Variants in EPB41L4A observed in about 807,000 individuals in gnomAD.
EPB41L4A encodes the protein band 4.1-like protein 4A.
EPB41L4A carries 100 observed loss-of-function variants against 108.6 expected under a neutral mutation model. The observed-to-expected ratio is 0.92, with a 90% CI of 0.78 to 1.09. The LOEUF is 1.09. EPB41L4A is among the 50% of genes least tolerant of loss of function. EPB41L4A has a pLI of 0.00. For synonymous variants in EPB41L4A, 319 were observed against 289.0 expected (o/e 1.10, Z -1.05); for missense variants, 1,030 against 842.7 (o/e 1.22, Z -2.75).
chr5:112,259,629 C>A (rs951636382), intron 8 of EPB41L4A, among the ~76,000 whole-genome samples: 2 of 152,166 alleles, frequency 1.3e-5, no homozygotes, highest in Non-Finnish European at 2.9e-5. Context: ...GATCCACAGC[C>A]CACCAGCACA....
intron 1 of EPB41L4A, among the ~76,000 whole-genome samples, chr5:112,403,659 G>C (rs938924174): frequency 6.6e-6 from 1 of 152,034 alleles, no homozygotes; most frequent in African/African-American, 2.4e-5. Flanking sequence ...TAGAGACGGG[G>C]GTCTCACCGT....
At chr5:112,195,736 A>G in intron 15 of EPB41L4A, 28 bp from the exon 16 acceptor site, 1 of 1,598,404 alleles carries the variant, frequency 6.3e-7, no homozygotes, top group Non-Finnish European at 8.6e-7. Context: ...GACATTTAAG[A>G]AAACAGGAGA....
At position 112,330,482 on chromosome 5, in the gene EPB41L4A, C is replaced by T. The variant is rs541086405; in HGVS notation, c.100-22992G>A. On this transcript the variant is annotated intron_variant, in intron 1 of 22. Coordinates refer to ENST00000261486, the MANE Select transcript of EPB41L4A (RefSeq NM_022140.5). The stretch of plus-strand genomic sequence containing the variant: ...CGCATTGTCTTAAGTTTTAAAAAAG[C>T]AGGATGCAGGGTATCAGTGGCTTGC... Among the ~76,000 whole-genome samples, 7 of 152,092 alleles carry T rather than the reference C, an allele frequency of 4.6e-5. No homozygotes were observed. In the South Asian group the frequency reaches 1.5e-3, roughly 32 times the overall value.
chr5:112,405,644 C>G lies in EPB41L4A; in HGVS notation c.99+13297G>C, dbSNP rs148823261. Among the ~76,000 whole-genome samples, 469 of 152,268 alleles carry G rather than the reference C, an allele frequency of 3.1e-3. 2 individuals carry two copies. Among genetic ancestry groups the G allele is most frequent in the African/African-American group, 0.011 (448 of 41,560 alleles). On this transcript the variant is annotated intron_variant, in intron 1 of 22. Transcript: ENST00000261486. ...ATCTGAAATATTTTAGATCTTGAAA[C>G]AGAGCCAGCCACGAGGGTTTCAGAT...
intron 2 of EPB41L4A, among the ~76,000 whole-genome samples, chr5:112,295,346 G>A (rs368448924): frequency 7.9e-5 from 12 of 152,260 alleles, no homozygotes; most frequent in East Asian, 5.8e-4. Flanking sequence ...CAGGCACCTC[G>A]GGGATGCTAT....
At position 112,164,240 on chromosome 5, in the gene EPB41L4A, A is replaced by C. The variant is rs953994236; in HGVS notation, c.*750T>G. On this transcript the variant is annotated 3_prime_UTR_variant, in exon 23 of 23. Coordinates refer to ENST00000261486, the MANE Select transcript of EPB41L4A (RefSeq NM_022140.5). ...AACACCACAAAATAAAGTATTATAA[A>C]GAACTTTATATGAATAAAAATATAT... 4.6e-5 allele frequency: 7 copies of C among 152,272 alleles called. No homozygotes were observed. Among genetic ancestry groups the C allele is most frequent in the Admixed American group, 1.3e-4 (2 of 15,292 alleles). 9.4% of individuals were successfully genotyped at this position (152,272 alleles called of 1,614,324 possible). A position where few individuals can be genotyped will look rare whatever the true frequency, so the allele number is the denominator to read the frequency against.
chr5:112,193,710 T>G (rs1264206148), intron 17 of EPB41L4A, among the ~76,000 whole-genome samples: 1 of 152,238 alleles, frequency 6.6e-6, no homozygotes, highest in African/African-American at 2.4e-5. Context: ...ACTGATATGT[T>G]TTTGTACTAG....
chr5:112,195,458 C>T (rs1292367313), intron 16 of EPB41L4A, among the ~76,000 whole-genome samples: 1 of 150,426 alleles, frequency 6.6e-6, no homozygotes, highest in African/African-American at 2.5e-5. Flanking sequence ...AAGACAGCTC[C>T]TCTGAGACAC....
intron 3 of EPB41L4A, among the ~76,000 whole-genome samples, chr5:112,279,311 A>G (rs1752812400): frequency 6.6e-6 from 1 of 152,168 alleles, no homozygotes; most frequent in South Asian, 2.1e-4. Context: ...CCTTGGATCC[A>G]TGGAGCATCG....
In EPB41L4A at chr5:112,397,326, G is replaced by A. The variant is rs556515483; in HGVS notation, c.99+21615C>T. 3.3e-5 allele frequency among the ~76,000 whole-genome samples: 5 copies of A among 152,250 alleles called. No homozygotes were observed. The East Asian group carries it at 5.8e-4, about 18-fold the overall frequency. On this transcript the variant is annotated intron_variant, in intron 1 of 22. Coordinates refer to ENST00000261486, the MANE Select transcript of EPB41L4A (RefSeq NM_022140.5). Reference sequence around the variant, plus strand: ...AATTTTATAAAGAATTCATAGACTTGATCTAAGAACAGAAACAATGATTTT... The same window carrying A: ...AATTTTATAAAGAATTCATAGACTTAATCTAAGAACAGAAACAATGATTTT...
intron 2 of EPB41L4A, among the ~76,000 whole-genome samples, chr5:112,297,121 T>C (rs958023207): frequency 6.6e-6 from 1 of 152,068 alleles, no homozygotes; most frequent in Admixed American, 6.6e-5. Context: ...AAGTATCTTT[T>C]TCGTATGACT....
At chr5:112,339,610 T>C (rs1472793943) in intron 1 of EPB41L4A, among the ~76,000 whole-genome samples, 1 of 150,858 alleles carries the variant, frequency 6.6e-6, no homozygotes, top group Non-Finnish European at 1.5e-5. Context: ...ATCGGCTCAC[T>C]GCAACCTCTA....
chr5:112,224,253 G>A (rs950473334), intron 12 of EPB41L4A, among the ~76,000 whole-genome samples: 4 of 152,196 alleles, frequency 2.6e-5, no homozygotes, highest in Admixed American at 2.6e-4. Flanking sequence ...TCCAGCCTGA[G>A]ATGTTTTAAA....
At chr5:112,324,317 T>G (rs1756001245) in intron 1 of EPB41L4A, among the ~76,000 whole-genome samples, 1 of 152,106 alleles carries the variant, frequency 6.6e-6, no homozygotes, top group Admixed American at 6.6e-5. Flanking sequence ...AAGTTTCTAG[T>G]GAGAAAGTAA....
At chr5:112,274,562 T>A (rs1388755344) in intron 4 of EPB41L4A, among the ~76,000 whole-genome samples, 1 of 152,222 alleles carries the variant, frequency 6.6e-6, no homozygotes, top group South Asian at 2.1e-4. Flanking sequence ...GATTTTCAAC[T>A]TTTTTAAAGG....
chr5:112,279,086 A>G (rs941758249), intron 3 of EPB41L4A, among the ~76,000 whole-genome samples: 13 of 150,784 alleles, frequency 8.6e-5, no homozygotes, highest in African/African-American at 2.2e-4. Context: ...AAAAAAAAAA[A>G]TCATTCCTGA....
chr5:112,178,392 T>G (rs535320913), intron 18 of EPB41L4A, among the ~76,000 whole-genome samples: 1 of 152,178 alleles, frequency 6.6e-6, no homozygotes, highest in Admixed American at 6.5e-5. Flanking sequence ...CAATGACTAC[T>G]TGAAAAGTAG....
At chr5:112,379,345 C>G (rs1193894647) in intron 1 of EPB41L4A, among the ~76,000 whole-genome samples, 2 of 152,130 alleles carry the variant, frequency 1.3e-5, no homozygotes, top group Non-Finnish European at 2.9e-5. Context: ...AAAATAAAGT[C>G]TTGTATCCCA....
intron 1 of EPB41L4A, among the ~76,000 whole-genome samples, chr5:112,375,250 G>C (rs147281467): frequency 0.017 from 2,523 of 151,836 alleles, 30 homozygotes; most frequent in South Asian, 0.038. Flanking sequence ...TGATCACGTT[G>C]TCCCTTCCTA....
Sources: allele counts gnomAD v4.1 joint callset (sites outside exome capture counted in the v4.1 genomes callset), GRCh38; gene constraint gnomAD v4.1.1; transcripts MANE v1.5; gene names NCBI Gene and HGNC (gene_info 2026-07-23, HGNC 2026-07-21).